The following INSYN2A variants were observed in gnomAD, a reference collection of about 807,000 sequenced individuals.
INSYN2A encodes family with sequence similarity 196 member A.
In INSYN2A, 17 loss-of-function variants were observed where a neutral mutation model predicts 39.4. The observed-to-expected ratio is 0.43, with a 90% confidence interval of 0.30 to 0.65. INSYN2A has a LOEUF of 0.65. INSYN2A is among the 30% of genes least tolerant of loss of function. The pLI is 0.14. For missense variants in INSYN2A, 595 were observed against 631.2 expected, an observed-to-expected ratio of 0.94 and a Z score of 0.61; for synonymous variants, 255 against 265.7, an observed-to-expected ratio of 0.96 and a Z score of 0.39.
chr10:127,143,573 G>T (rs1362343252), intron 5 of INSYN2A, among the ~76,000 whole-genome samples: 1 of 152,210 alleles, frequency 6.6e-6, no homozygotes, highest in Non-Finnish European at 1.5e-5. Context: ...GGCTTTTATT[G>T]TGTAGCTTTG....
intron 5 of INSYN2A, among the ~76,000 whole-genome samples, chr10:127,139,779 C>T (rs1451080452): frequency 6.6e-6 from 1 of 152,080 alleles, no homozygotes; most frequent in Admixed American, 6.5e-5. Context: ...CCCAGGCTGT[C>T]GTAATTACTG....
At chr10:127,165,783 T>TA (rs1363893632) in intron 4 of INSYN2A, among the ~76,000 whole-genome samples, 4 of 152,178 alleles carry the variant, frequency 2.6e-5, no homozygotes, top group Non-Finnish European at 5.9e-5. Context: ...TCCCTGGACT[T>TA]AAAGATCAAT....
Position 127,196,401 on chromosome 10 carries a change from T to A in INSYN2A, c.-799A>T, listed in dbSNP as rs1407242601. On this transcript the variant is annotated 5_prime_UTR_variant, in exon 1 of 6. Coordinates refer to ENST00000522781, the MANE Select transcript of INSYN2A (RefSeq NM_001039762.3). ...CCTCCGATGTCCTCATTTACTGCAATTGTCTTCGGCGAGATCTCAGAGCCA... is the reference window on the plus strand; with the variant it reads ...CCTCCGATGTCCTCATTTACTGCAAATGTCTTCGGCGAGATCTCAGAGCCA... Among the ~76,000 whole-genome samples the A allele has an allele frequency of 6.7e-6, 1 of 148,448 alleles. No individual in the cohort carries two copies. The highest frequency in any genetic ancestry group is 6.7e-5 in the Admixed American group (1 of 14,962).
At chr10:127,195,302 C>T (rs1341610426) in intron 1 of INSYN2A, among the ~76,000 whole-genome samples, 1 of 152,140 alleles carries the variant, frequency 6.6e-6, no homozygotes, top group Non-Finnish European at 1.5e-5. Context: ...AGCTCGCAGT[C>T]TCTTAGGTCT....
intron 5 of INSYN2A, among the ~76,000 whole-genome samples, chr10:127,153,160 TTTTG>T (rs1374950343): frequency 6.6e-6 from 1 of 152,254 alleles, no homozygotes; most frequent in Non-Finnish European, 1.5e-5. Flanking sequence ...CGCTTTTATA[TTTTG>T]TTTGTGAAAA....
intron 2 of INSYN2A, among the ~76,000 whole-genome samples, chr10:127,181,760 A>T (rs1241359490): frequency 6.6e-6 from 1 of 152,158 alleles, no homozygotes; most frequent in Non-Finnish European, 1.5e-5. Context: ...CCGGAAGGGG[A>T]GGTAAAATAG....
chr10:127,142,264 C>T (rs900665933), intron 5 of INSYN2A, among the ~76,000 whole-genome samples: 1 of 152,178 alleles, frequency 6.6e-6, no homozygotes, highest in South Asian at 2.1e-4. Flanking sequence ...CGTGGGAAGC[C>T]GGGGCTCCAA....
chr10:127,160,064 C>A (rs1056903924), intron 4 of INSYN2A, among the ~76,000 whole-genome samples: 19 of 151,700 alleles, frequency 1.3e-4, no homozygotes, highest in Admixed American at 9.2e-4. Context: ...GAAGATGGGG[C>A]CTGAGAGGCA....
chr10:127,143,650 G>A (rs183671906), intron 5 of INSYN2A, among the ~76,000 whole-genome samples: 6 of 152,292 alleles, frequency 3.9e-5, no homozygotes, highest in East Asian at 3.9e-4. Context: ...CAACTTGGCC[G>A]GTTTTATGTG....
intron 5 of INSYN2A, among the ~76,000 whole-genome samples, chr10:127,149,153 T>C: frequency 6.6e-6 from 1 of 152,166 alleles, no homozygotes; most frequent in East Asian, 1.9e-4. Context: ...GTTACATCCC[T>C]TGCATAATTG....
At chr10:127,167,586 C>T (rs4567368) in intron 4 of INSYN2A, among the ~76,000 whole-genome samples, 1 of 152,078 alleles carries the variant, frequency 6.6e-6, no homozygotes, top group Non-Finnish European at 1.5e-5. Context: ...AGAATATGTT[C>T]TTGGAGCAGA....
intron 2 of INSYN2A, among the ~76,000 whole-genome samples, chr10:127,190,392 T>G (rs2056632569): frequency 6.6e-6 from 1 of 152,178 alleles, no homozygotes; most frequent in South Asian, 2.1e-4. Context: ...AGAAAACAAT[T>G]CTTTCCCAAT....
At chr10:127,172,000 C>T (rs1364904417) in intron 4 of INSYN2A, among the ~76,000 whole-genome samples, 6 of 152,196 alleles carry the variant, frequency 3.9e-5, no homozygotes, top group Non-Finnish European at 7.3e-5. Context: ...CCACCGTGCC[C>T]GGCCTCCACT....
Position 127,175,154 on chromosome 10 carries a change from A to G in INSYN2A, c.1184+58T>C. ...TACAGACTTGGGTTTGGGGCTACAG[A>G]TGGACTCTGTGGTGATCAGCCTGCA... On this transcript the variant is annotated intron_variant, in intron 4 of 5. Transcript: ENST00000522781. The surrounding 1 kb of genome is among the most constrained non-coding windows in gnomAD (Gnocchi z 6.3). 4 of 1,435,258 alleles carry G rather than the reference A, an allele frequency of 2.8e-6. No homozygotes were observed. The highest frequency in any genetic ancestry group is 3.8e-6 in the Non-Finnish European group (4 of 1,042,564). The allele number at this position is 1,435,258 out of a possible 1,614,324, so 88.9% of individuals were successfully genotyped here. A position where few individuals can be genotyped will look rare whatever the true frequency, so the allele number is the denominator to read the frequency against.
At chr10:127,171,860 C>T (rs1217608456) in intron 4 of INSYN2A, among the ~76,000 whole-genome samples, 13 of 152,108 alleles carry the variant, frequency 8.5e-5, no homozygotes, top group Non-Finnish European at 1.6e-4. Context: ...CCCGCCACCA[C>T]GCCCGACTAA....
At chr10:127,190,173 A>G (rs969040180) in intron 2 of INSYN2A, among the ~76,000 whole-genome samples, 5 of 152,208 alleles carry the variant, frequency 3.3e-5, no homozygotes, top group African/African-American at 9.6e-5. Flanking sequence ...TAAAAACTCA[A>G]CTTCTACCCA....
rs374234146 is a variant in INSYN2A at position 127,153,956 on chromosome 10, G to A, written c.1185-33C>T. The stretch of plus-strand genomic sequence containing the variant: ...ATAAGAACAGGAGAGCATTACAAGC[G>A]GTGGCTGGGGGTCACTGGCTTTATA... On this transcript the variant is annotated intron_variant, in intron 4 of 5. Transcript: ENST00000522781. 41 of 1,518,820 alleles carry A rather than the reference G, an allele frequency of 2.7e-5. No individual in the cohort carries two copies. The East Asian group carries it at 7.0e-4, about 26-fold the overall frequency. 94.1% of individuals were successfully genotyped at this position (1,518,820 alleles called of 1,614,324 possible).
rs568649246 is a variant in INSYN2A at position 127,145,936 on chromosome 10, A to G, written c.1256+7916T>C. ...CATTCCTGCAGGAGGTCCCTTCTCA[A>G]ACAGGTTCTTTCAAGACGCCTATCT... On this transcript the variant is annotated intron_variant, in intron 5 of 5. Coordinates refer to ENST00000522781, the MANE Select transcript of INSYN2A (RefSeq NM_001039762.3). 326 of 501,324 alleles carry G rather than the reference A, an allele frequency of 6.5e-4. 1 individual carries two copies. Among genetic ancestry groups the G allele is most frequent in the Non-Finnish European group, 7.2e-4 (183 of 253,878 alleles). The allele number at this position is 501,324 out of a possible 1,614,324, so 31.1% of individuals were successfully genotyped here.
chr10:127,175,430 C>T lies in INSYN2A; in HGVS notation c.966G>A (p.Pro322=), dbSNP rs747451108. The change falls in exon 4 of 6, where the codon CCG becomes CCA. Residue 322 remains proline (P), a synonymous_variant. Coordinates refer to ENST00000522781, the MANE Select transcript of INSYN2A (RefSeq NM_001039762.3). The surrounding 1 kb of genome is among the most constrained non-coding windows in gnomAD (Gnocchi z 6.3). ...QCLSPECSEQ[P]SQTHTPPGLG... ...GCCCCGGCGGGGTGTGAGTCTGCGACGGCTGCTCACTACATTCGGGGGACA... is the reference window on the plus strand; with the variant it reads ...GCCCCGGCGGGGTGTGAGTCTGCGATGGCTGCTCACTACATTCGGGGGACA... 8.7e-6 allele frequency: 14 copies of T among 1,612,724 alleles called. No individual in the cohort carries two copies. In the East Asian group the frequency reaches 1.1e-4, roughly 13 times the overall value.
Sources: allele counts gnomAD v4.1 joint callset (sites outside exome capture counted in the v4.1 genomes callset), GRCh38; gene constraint gnomAD v4.1.1; non-coding constraint Gnocchi (gnomAD v3.1); transcripts MANE v1.5; gene names NCBI Gene and HGNC (gene_info 2026-07-23, HGNC 2026-07-21).